Variants in PXDNL observed in about 807,000 individuals in gnomAD.
The protein encoded by PXDNL is peroxidasin like.
In PXDNL, 145 loss-of-function variants were observed where a neutral mutation model predicts 150.8. That is an observed-to-expected ratio of 0.96 (90% confidence interval 0.84 to 1.10). PXDNL has a LOEUF of 1.10. Ranked by LOEUF, PXDNL falls within the 50% of genes least tolerant of loss-of-function variation. PXDNL has a pLI of 0.00. For synonymous variants in PXDNL, 757 were observed against 725.7 expected (o/e 1.04, Z -0.69); for missense variants, 2,087 against 1,873.9 (o/e 1.11, Z -2.10).
intron 8 of PXDNL, 35 bp from the exon 9 acceptor site, chr8:51,457,702 T>C: frequency 6.5e-7 from 1 of 1,547,934 alleles, no homozygotes; most frequent in Non-Finnish European, 8.9e-7. Flanking sequence ...TATTATTTAA[T>C]CCCATTCATG....
intron 17 of PXDNL, among the ~76,000 whole-genome samples, chr8:51,396,753 C>A (rs117406891): frequency 6.6e-6 from 1 of 152,126 alleles, no homozygotes; most frequent in African/African-American, 2.4e-5. Context: ...AATGAAACTC[C>A]GTCTCAAAAA....
At chr8:51,434,215 G>A (rs934078197) in intron 12 of PXDNL, among the ~76,000 whole-genome samples, 1 of 152,184 alleles carries the variant, frequency 6.6e-6, no homozygotes, top group South Asian at 2.1e-4. Context: ...CGATTCCAGC[G>A]TCTTTTGGCT....
chr8:51,526,337 G>GC lies in PXDNL; in HGVS notation c.381-26568_381-26567insG, dbSNP rs757062211. ...TCCCGTACCACTAAGTAGCTGATCT[G>GC]TTTTTTTTTCTTTTTTTTTTAAATT... On this transcript the variant is annotated intron_variant, in intron 4 of 22. Transcript: ENST00000356297. 4.6e-5 allele frequency among the ~76,000 whole-genome samples: 7 copies of GC among 150,746 alleles called. No individual in the cohort carries two copies. The East Asian group carries it at 9.7e-4, about 21-fold the overall frequency.
intron 19 of PXDNL, among the ~76,000 whole-genome samples, chr8:51,359,300 CAG>C (rs1472189501): frequency 1.3e-5 from 2 of 151,708 alleles, no homozygotes; most frequent in African/African-American, 2.4e-5. Flanking sequence ...ATAATACAAA[CAG>C]GGCATTTCCA....
At chr8:51,585,775 C>T (rs998136182) in intron 3 of PXDNL, among the ~76,000 whole-genome samples, 8 of 152,132 alleles carry the variant, frequency 5.3e-5, no homozygotes, top group African/African-American at 1.9e-4. Flanking sequence ...TTAAAAGATA[C>T]TTGCCATAAC....
chr8:51,448,155 C>A (rs1485999537), intron 11 of PXDNL, among the ~76,000 whole-genome samples: 1 of 152,182 alleles, frequency 6.6e-6, no homozygotes, highest in African/African-American at 2.4e-5. Flanking sequence ...GATTCCCAAG[C>A]CCGGAGGAAC....
At chr8:51,345,601 C>T (rs1050272295) in intron 20 of PXDNL, among the ~76,000 whole-genome samples, 1 of 152,142 alleles carries the variant, frequency 6.6e-6, no homozygotes, top group Admixed American at 6.5e-5. Context: ...TAGTTTTCTG[C>T]ACTTTACTGA....
At chr8:51,543,289 G>C (rs1160225144) in intron 4 of PXDNL, among the ~76,000 whole-genome samples, 2 of 152,042 alleles carry the variant, frequency 1.3e-5, no homozygotes, top group African/African-American at 4.8e-5. Context: ...TAGATGATGA[G>C]ATAAAAAGTT....
intron 19 of PXDNL, among the ~76,000 whole-genome samples, chr8:51,363,218 C>A (rs1179580436): frequency 6.6e-6 from 1 of 152,116 alleles, no homozygotes; most frequent in Non-Finnish European, 1.5e-5. Flanking sequence ...AAGCACTGCC[C>A]TTCATAGTCC....
chr8:51,540,628 A>G (rs1812195317), intron 4 of PXDNL, among the ~76,000 whole-genome samples: 2 of 152,290 alleles, frequency 1.3e-5, no homozygotes, highest in East Asian at 3.9e-4. Flanking sequence ...TATGTAATCC[A>G]CAATATAATC....
intron 1 of PXDNL, among the ~76,000 whole-genome samples, chr8:51,663,674 C>T (rs1281206708): frequency 6.6e-6 from 1 of 152,106 alleles, no homozygotes; most frequent in South Asian, 2.1e-4. Flanking sequence ...TAGAAAGTCC[C>T]TTCCAGATTT....
chr8:51,800,590 G>A (rs928262076), intron 1 of PXDNL, among the ~76,000 whole-genome samples: 1 of 152,196 alleles, frequency 6.6e-6, no homozygotes, highest in Non-Finnish European at 1.5e-5. Context: ...TGAACGGAGG[G>A]ACCAGCTGGA....
chr8:51,716,025 C>G (rs1053542885), intron 1 of PXDNL, among the ~76,000 whole-genome samples: 16 of 152,190 alleles, frequency 1.1e-4, no homozygotes, highest in African/African-American at 3.9e-4. Flanking sequence ...TATGATTGCT[C>G]AACCATAGAC....
At chr8:51,483,023 TGGAGGGGG>T (rs1165475365) in intron 6 of PXDNL, among the ~76,000 whole-genome samples, 10 of 151,878 alleles carry the variant, frequency 6.6e-5, no homozygotes, top group African/African-American at 2.4e-4. Flanking sequence ...TGAGGATTAG[TGGAGGGGG>T]TGGGTAACCA....
intron 2 of PXDNL, among the ~76,000 whole-genome samples, chr8:51,593,052 T>C (rs1470658287): frequency 2.0e-5 from 3 of 152,024 alleles, no homozygotes; most frequent in Non-Finnish European, 2.9e-5. Flanking sequence ...ATGGAGAGTA[T>C]TGAACACTCA....
intron 2 of PXDNL, among the ~76,000 whole-genome samples, chr8:51,602,365 C>T (rs113465508): frequency 8.5e-4 from 129 of 151,714 alleles, no homozygotes; most frequent in African/African-American, 2.4e-3. Flanking sequence ...TTAAAGACTT[C>T]GCTTATTTAA....
intron 19 of PXDNL, among the ~76,000 whole-genome samples, chr8:51,369,197 T>C (rs2130775884): frequency 6.6e-6 from 1 of 152,132 alleles, no homozygotes; most frequent in Middle Eastern, 3.4e-3. Flanking sequence ...ATTCGCAACT[T>C]CAGGTCTCAG....
intron 6 of PXDNL, among the ~76,000 whole-genome samples, chr8:51,482,008 A>G (rs1810615951): frequency 6.6e-6 from 1 of 152,170 alleles, no homozygotes; most frequent in Admixed American, 6.5e-5. Context: ...TGGAGCTGTG[A>G]GAAGAAGGCC....
intron 17 of PXDNL, among the ~76,000 whole-genome samples, chr8:51,401,055 A>G (rs1474987806): frequency 6.6e-6 from 1 of 152,144 alleles, no homozygotes; most frequent in Non-Finnish European, 1.5e-5. Flanking sequence ...AACTCTGGGG[A>G]TTCAAAGATA....
Sources: gnomAD v4.1 joint callset for allele counts (sites outside exome capture counted in the v4.1 genomes callset) on GRCh38, gnomAD v4.1.1 for gene constraint, MANE v1.5 for transcripts, NCBI Gene and HGNC (gene_info 2026-07-23, HGNC 2026-07-21) for gene names.